The following ZNF280A variants were observed in gnomAD, a reference collection of about 807,000 sequenced individuals.
ZNF280A encodes suppressor of hairy wing homolog 1.
ZNF280A carries 26 observed loss-of-function variants against 35.9 expected under a neutral mutation model. The ratio of observed to expected loss-of-function variants is 0.72; its 90% CI spans 0.53 to 1.01. ZNF280A has a LOEUF of 1.01. Ranked by LOEUF, ZNF280A falls within the 50% of genes least tolerant of loss-of-function variation. The probability of loss-of-function intolerance (pLI) is 0.00; values close to 1 mark genes in which losing one functional copy is unlikely to be tolerated. For missense variants in ZNF280A, 654 were observed against 652.0 expected, an observed-to-expected ratio of 1.00 and a Z score of -0.03; for synonymous variants, 231 against 232.9, an observed-to-expected ratio of 0.99 and a Z score of 0.07.
rs771551966 is a variant in ZNF280A at position 22,514,816 on chromosome 22, G to T, written c.815C>A (p.Pro272His). ...GTAAAAGTCGCTAAGTAACACGATGGGATTTTCTTTCTTGGGATCAAAGGT... is the reference window on the plus strand; with the variant it reads ...GTAAAAGTCGCTAAGTAACACGATGTGATTTTCTTTCTTGGGATCAAAGGT... ...NKTFDPKKEN[P>H]IVLLSDFYYG... is the part of the protein sequence containing the mutation. The change falls in exon 2 of 2, where the codon CCC becomes CAC. Residue 272 changes from proline (P) to histidine (H), a missense_variant. Coordinates refer to ENST00000302097, the MANE Select transcript of ZNF280A (RefSeq NM_080740.5). The T allele has an allele frequency of 1.2e-6, 2 of 1,613,876 alleles. No homozygotes were observed. Among genetic ancestry groups the T allele is most frequent in the Admixed American group, 3.3e-5 (2 of 59,968 alleles).
rs1328659889 is a variant in ZNF280A at position 22,515,046 on chromosome 22, C to CA, written c.584dup (p.Val196GlyfsTer35). On this transcript the variant is annotated frameshift_variant, in exon 2 of 2. Coordinates refer to ENST00000302097, the MANE Select transcript of ZNF280A (RefSeq NM_080740.5). LOFTEE classifies it high-confidence loss of function. ...TTGTAGAAGACATATCTGAAGGGAC[C>CA]ACAGCTAAAGAAGGTACCCCTGGGA... 1.2e-5 allele frequency: 19 copies of CA among 1,613,838 alleles called. No homozygotes were observed. The highest frequency in any genetic ancestry group is 1.6e-5 in the Non-Finnish European group (19 of 1,179,974).
In ZNF280A at chr22:22,514,287, CCTT is replaced by C. The variant is rs1207330933; in HGVS notation, c.1341_1343del (p.Arg449del). On this transcript the variant is annotated inframe_deletion, in exon 2 of 2. Transcript: ENST00000302097. Reference sequence around the variant, plus strand: ...GGCACTTGGAACACTGAAGGACCCTCCTTCTGCTGTGCCTCCAACAATGATTCA... The same window carrying C: ...GGCACTTGGAACACTGAAGGACCCTCCTGCTGTGCCTCCAACAATGATTCA... 5.0e-6 allele frequency: 8 copies of C among 1,613,920 alleles called. No homozygotes were observed. The highest frequency in any genetic ancestry group is 6.8e-6 in the Non-Finnish European group (8 of 1,179,978).
Position 22,519,401 on chromosome 22 carries a change from C to G in ZNF280A, c.-72+688G>C, listed in dbSNP as rs1197851230. Among the ~76,000 whole-genome samples, 4 of 151,870 alleles carry G rather than the reference C, an allele frequency of 2.6e-5. No individual in the cohort carries two copies. In the East Asian group the frequency reaches 7.8e-4, roughly 30 times the overall value. On this transcript the variant is annotated intron_variant, in intron 1 of 1. Transcript: ENST00000302097. The stretch of plus-strand genomic sequence containing the variant: ...TGAGCCGAGATCGCACCGTGGCACT[C>G]CAGCCTGGGCGGCCAGAGTGAAACT...
intron 1 of ZNF280A, among the ~76,000 whole-genome samples, chr22:22,518,118 G>A (rs867428546): frequency 1.3e-5 from 2 of 151,696 alleles, no homozygotes; most frequent in South Asian, 2.1e-4. Context: ...GTAGAGACGG[G>A]GTTTCACCGT....
In ZNF280A at chr22:22,515,597, A is replaced by G; in HGVS notation, c.34T>C (p.Ser12Pro). ...GATTCTCTCAAATTCTTCTTTGGTG[A>G]TTCCACTTTCTTACACAAAAAGATA... is the stretch of plus-strand genomic sequence containing the variant. ...GDIFLCKKVESPKKNLRESKQ... is the reference protein window; with the variant it reads ...GDIFLCKKVEPPKKNLRESKQ... Residue 12 changes from serine (S) to proline (P), a missense_variant, in exon 2 of 2, where the codon TCA becomes CCA. Physicochemically the swap from Ser to Pro is moderately conservative, Grantham distance 74 (BLOSUM62 -1). Coordinates refer to ENST00000302097, the MANE Select transcript of ZNF280A (RefSeq NM_080740.5). The G allele has an allele frequency of 6.2e-7, 1 of 1,601,754 alleles. No homozygotes were observed. Among genetic ancestry groups the G allele is most frequent in the Non-Finnish European group, 8.5e-7 (1 of 1,176,250 alleles).
In ZNF280A at chr22:22,519,876, G is replaced by A. The variant is rs147161377; in HGVS notation, c.-72+213C>T. On this transcript the variant is annotated intron_variant, in intron 1 of 1. Coordinates refer to ENST00000302097, the MANE Select transcript of ZNF280A (RefSeq NM_080740.5). ...GAAGGGCTGGCGACTTAAAATTTAT[G>A]TATTGCCTATTTCTGGAATTTTCCA... Among the ~76,000 whole-genome samples, 1,208 of 152,068 alleles carry A rather than the reference G, an allele frequency of 7.9e-3. 25 individuals are homozygous for A. Among genetic ancestry groups the A allele is most frequent in the African/African-American group, 0.027 (1,137 of 41,492 alleles).
chr22:22,518,674 G>A (rs1488163091), intron 1 of ZNF280A, among the ~76,000 whole-genome samples: 2 of 151,136 alleles, frequency 1.3e-5, no homozygotes, highest in Admixed American at 6.6e-5. Flanking sequence ...TGTAGTCCCA[G>A]CTACTCGGGA....
In ZNF280A at chr22:22,514,733, A is replaced by G. The variant is rs746230150; in HGVS notation, c.898T>C (p.Cys300Arg). 6.8e-6 allele frequency: 11 copies of G among 1,613,914 alleles called. No homozygotes were observed. In the South Asian group the frequency reaches 1.1e-4, roughly 16 times the overall value. ...PEQKTHTTFKCLSCVKVLKNI... is the reference protein window; with the variant it reads ...PEQKTHTTFKRLSCVKVLKNI... ...TTTAGAACTTTCACGCAGCTGAGGC[A>G]TTTAAAGGTGGTGTGAGTCTTCTGT... Residue 300 changes from cysteine (C) to arginine (R), a missense_variant, in exon 2 of 2, where the codon TGC (cysteine) becomes CGC (arginine). By Grantham distance (180) the Cys-to-Arg change is radical. Transcript: ENST00000302097.
intron 1 of ZNF280A, among the ~76,000 whole-genome samples, chr22:22,517,368 A>T (rs895131532): frequency 2.0e-5 from 3 of 152,054 alleles, no homozygotes; most frequent in Non-Finnish European, 4.4e-5. Context: ...CATACTGTGC[A>T]TGCTAAATCT....
rs769923749 is a variant in ZNF280A, at chr22:22,515,215, T to A, written c.416A>T (p.Asp139Val). Residue 139 changes from aspartate to valine, a missense_variant, in exon 2 of 2, where the codon GAC becomes GTC. Coordinates refer to ENST00000302097, the MANE Select transcript of ZNF280A (RefSeq NM_080740.5). ...ACACTGAGTCCCTGGGGGGAGCGAG[T>A]CTGAGGAACTGGGAGAAACAACTTG... is the stretch of plus-strand genomic sequence containing the variant. Reference protein sequence around the residue: ...SPQVVSPSSSDSLPPGTQCLV... With the variant: ...SPQVVSPSSSVSLPPGTQCLV... 3.7e-6 allele frequency: 6 copies of A among 1,613,672 alleles called. No individual in the cohort carries two copies. The highest frequency in any genetic ancestry group is 1.7e-5 in the Admixed American group (1 of 59,940).
chr22:22,514,110 G>A lies in ZNF280A; in HGVS notation c.1521C>T (p.Ser507=), dbSNP rs760808646. The change falls in exon 2 of 2, where the codon TCC becomes TCT. Residue 507 remains serine (S), a synonymous_variant. Coordinates refer to ENST00000302097, the MANE Select transcript of ZNF280A (RefSeq NM_080740.5). The part of the protein sequence containing the change: ...SVQPGSSGMA[S]VIVSNTDPQS... The stretch of plus-strand genomic sequence containing the variant: ...GAGGGTCAGTGTTGCTAACAATAAC[G>A]GAAGCCATACCACTTGATCCTGGCT... The A allele has an allele frequency of 2.0e-5, 32 of 1,613,772 alleles. No homozygotes were observed. Among genetic ancestry groups the A allele is most frequent in the South Asian group, 1.1e-4 (10 of 91,070 alleles).
Position 22,514,561 on chromosome 22 carries a change from TGTA to T in ZNF280A, c.1067_1069del (p.Val356_His357delinsAsp). On this transcript the variant is annotated inframe_deletion, in exon 2 of 2. Transcript: ENST00000302097. ...GACAGCAGAGGGCCCCATGGCGATG[TGTA>T]CACTATCAATGTGACACTGTAGCTG... 1 of 1,613,950 alleles carries T rather than the reference TGTA, an allele frequency of 6.2e-7. No homozygotes were observed. Among genetic ancestry groups the T allele is most frequent in the Non-Finnish European group, 8.5e-7 (1 of 1,179,984 alleles).
Position 22,514,762 on chromosome 22 carries a change from G to A in ZNF280A, c.869C>T (p.Pro290Leu), listed in dbSNP as rs147657515. ...AAAGGTGGTGTGAGTCTTCTGTTCC[G>A]GCTGCCCATCTCCTTTATGCTGTCC... is the stretch of plus-strand genomic sequence containing the variant. ...YYGQHKGDGQ[P>L]EQKTHTTFKC... The change falls in exon 2 of 2, where the codon CCG becomes CTG. Residue 290 changes from proline (P) to leucine (L), a missense_variant. Transcript: ENST00000302097. The A allele has an allele frequency of 1.1e-5, 18 of 1,613,742 alleles. No homozygotes were observed. The highest frequency in any genetic ancestry group is 3.3e-5 in the Admixed American group (2 of 59,956).
In ZNF280A at chr22:22,515,619, G is replaced by T. The variant is rs2062060845; in HGVS notation, c.12C>A (p.Ile4=). MGD[I]FLCKKVESPK... ...GTGATTCCACTTTCTTACACAAAAAGATATCTCCCATTTTCAATTTACTTT... is the reference window on the plus strand; with the variant it reads ...GTGATTCCACTTTCTTACACAAAAATATATCTCCCATTTTCAATTTACTTT... Residue 4 remains isoleucine (I), a synonymous_variant, in exon 2 of 2, where the codon ATC becomes ATA. Transcript: ENST00000302097. The T allele has an allele frequency of 6.3e-7, 1 of 1,584,696 alleles. No homozygotes were observed.
rs771958814 is a variant in ZNF280A at position 22,514,386 on chromosome 22, C to T, written c.1245G>A (p.Thr415=). 19 of 1,613,754 alleles carry T rather than the reference C, an allele frequency of 1.2e-5. No homozygotes were observed. Among genetic ancestry groups the T allele is most frequent in the Admixed American group, 1.2e-4 (7 of 59,950 alleles). ...VFADVETHFR[T]CHENTKNLLC... is the part of the protein sequence containing the mutation. ...GCAAATTCTTTGTGTTTTCATGGCA[C>T]GTTCTAAAATGTGTTTCCACATCAG... The change falls in exon 2 of 2, where the codon ACG becomes ACA. Residue 415 remains threonine, a synonymous_variant. Coordinates refer to ENST00000302097, the MANE Select transcript of ZNF280A (RefSeq NM_080740.5).
Position 22,515,505 on chromosome 22 carries a change from T to C in ZNF280A, c.126A>G (p.Arg42=). 6.2e-7 allele frequency: 1 copy of C among 1,613,916 alleles called. No individual in the cohort carries two copies. Among genetic ancestry groups the C allele is most frequent in the Non-Finnish European group, 8.5e-7 (1 of 1,179,984 alleles). ...LIYVGVEHVH[R]DAEVLFVGMI... ...TCCCGACAAAGAGAACTTCAGCATC[T>C]CTATGTACATGCTCCACCCCAACAT... The change falls in exon 2 of 2, where the codon AGA becomes AGG. Residue 42 remains arginine (R), a synonymous_variant. Transcript: ENST00000302097.
chr22:22,516,151 C>T (rs2062066753), intron 1 of ZNF280A, among the ~76,000 whole-genome samples: 1 of 151,794 alleles, frequency 6.6e-6, no homozygotes, highest in Non-Finnish European at 1.5e-5. Flanking sequence ...CATGGTGGTA[C>T]ACACCTGTGG....
rs774317405 is a variant in ZNF280A, at chr22:22,514,175, A to G, written c.1456T>C (p.Leu486=). Residue 486 remains leucine (L), a synonymous_variant, in exon 2 of 2, where the codon TTG becomes CTG. Coordinates refer to ENST00000302097, the MANE Select transcript of ZNF280A (RefSeq NM_080740.5). ...TFKKPEQLQG[L]PSETKVIIQT... is the part of the protein sequence containing the mutation. ...ATAATAACTTTTGTTTCACTAGGCA[A>G]CCCTTGCAGTTGCTCCGGCTTTTTA... The G allele has an allele frequency of 6.2e-6, 10 of 1,613,634 alleles. No individual in the cohort carries two copies. The highest frequency in any genetic ancestry group is 6.8e-6 in the Non-Finnish European group (8 of 1,179,944).
At chr22:22,518,990 G>A (rs1174074948) in intron 1 of ZNF280A, among the ~76,000 whole-genome samples, 3 of 151,756 alleles carry the variant, frequency 2.0e-5, no homozygotes, top group Non-Finnish European at 4.4e-5. Context: ...CAAGACCCCC[G>A]AAGTGGATGC....
Sources: allele counts gnomAD v4.1 joint callset (sites outside exome capture counted in the v4.1 genomes callset), GRCh38; gene constraint gnomAD v4.1.1; transcripts MANE v1.5; gene names NCBI Gene and HGNC (gene_info 2026-07-23, HGNC 2026-07-21).